Variants in PAX3 observed in about 807,000 individuals in gnomAD.
The protein encoded by PAX3 is paired box 3.
Under a neutral mutation model 51.6 loss-of-function variants are expected in PAX3, and 14 were observed. The observed-to-expected ratio is 0.27, with a 90% CI of 0.18 to 0.42. The LOEUF (loss-of-function observed/expected upper bound fraction) is 0.42. PAX3 is among the 10% of genes least tolerant of loss of function. The pLI is 1.00. For missense variants in PAX3, 540 were observed against 642.8 expected (o/e 0.84, Z 1.73); for synonymous variants, 280 against 253.4 (o/e 1.11, Z -1.00).
chr2:222,231,900 G>C (rs894058994), intron 5 of PAX3, among the ~76,000 whole-genome samples, 178 bp downstream of exon 5: 1 of 152,184 alleles, frequency 6.6e-6, no homozygotes, highest in Non-Finnish European at 1.5e-5. Flanking sequence ...TCTGTGTGTC[G>C]TAAATGATAT....
rs1559248464 is a variant in PAX3 at position 222,201,219 on chromosome 2, G to C, written c.*189C>G. ...CTTCTCCACTGCTTTTGTCGAACGT[G>C]TTCAAAAGGATTTGAAACCAACTAT... On this transcript the variant is annotated 3_prime_UTR_variant, in exon 9 of 9. Transcript: ENST00000392070. 1 of 1,613,944 alleles carries C rather than the reference G, an allele frequency of 6.2e-7. No individual in the cohort carries two copies. The highest frequency in any genetic ancestry group is 8.5e-7 in the Non-Finnish European group (1 of 1,179,962).
chr2:222,207,761 T>C (rs1691567795), intron 7 of PAX3, among the ~76,000 whole-genome samples: 1 of 152,102 alleles, frequency 6.6e-6, no homozygotes, highest in African/African-American at 2.4e-5. Flanking sequence ...CTTTACGGAC[T>C]GATGACTAAA....
intron 7 of PAX3, among the ~76,000 whole-genome samples, chr2:222,210,365 A>G (rs1691678448): frequency 6.6e-6 from 1 of 152,312 alleles, no homozygotes; most frequent in South Asian, 2.1e-4. Flanking sequence ...GTGAGAGAGA[A>G]GCATCACTGC....
At chr2:222,268,529 G>C (rs533595120) in intron 4 of PAX3, among the ~76,000 whole-genome samples, 11 of 152,158 alleles carry the variant, frequency 7.2e-5, no homozygotes, top group Middle Eastern at 6.8e-3. Flanking sequence ...AGGGCTTTCC[G>C]GTTGCCTCTC....
intron 7 of PAX3, among the ~76,000 whole-genome samples, chr2:222,202,848 C>T (rs1691353543): frequency 6.6e-6 from 1 of 151,320 alleles, no homozygotes; most frequent in Non-Finnish European, 1.5e-5. Flanking sequence ...CCTGCTTTGA[C>T]TGGTGAGAGC....
intron 4 of PAX3, among the ~76,000 whole-genome samples, chr2:222,270,430 C>T (rs954781763): frequency 1.3e-5 from 2 of 152,092 alleles, no homozygotes; most frequent in Non-Finnish European, 2.9e-5. Context: ...CATCGGTCTC[C>T]AAAAGTGAGT....
At chr2:222,297,686 G>A (rs982313104) in intron 1 of PAX3, among the ~76,000 whole-genome samples, 1 of 152,236 alleles carries the variant, frequency 6.6e-6, no homozygotes, top group African/African-American at 2.4e-5. Context: ...CAAAAGTGCA[G>A]CAGCCAAGGG....
chr2:222,204,095 T>C (rs1003016947), intron 7 of PAX3, among the ~76,000 whole-genome samples: 1 of 152,176 alleles, frequency 6.6e-6, no homozygotes, highest in African/African-American at 2.4e-5. Context: ...AAATTAGTTA[T>C]ATTTTTAAAA....
At chr2:222,212,656 C>T (rs1290004405) in intron 7 of PAX3, among the ~76,000 whole-genome samples, 6 of 149,008 alleles carry the variant, frequency 4.0e-5, no homozygotes, top group Middle Eastern at 3.5e-3. Flanking sequence ...CACACACACA[C>T]GAATAGTATA....
chr2:222,203,735 G>A (rs935486880), intron 7 of PAX3, among the ~76,000 whole-genome samples: 4 of 152,128 alleles, frequency 2.6e-5, no homozygotes, highest in African/African-American at 9.7e-5. Context: ...GGAAGGGTTT[G>A]CATAATCCTT....
chr2:222,279,834 G>T (rs568597670), intron 4 of PAX3, among the ~76,000 whole-genome samples: 68 of 152,162 alleles, frequency 4.5e-4, no homozygotes, highest in Non-Finnish European at 7.2e-4. Context: ...AAAAAAATTG[G>T]CTCTCTGTGT....
intron 7 of PAX3, among the ~76,000 whole-genome samples, chr2:222,203,565 C>T (rs1454749434): frequency 6.6e-6 from 1 of 152,008 alleles, no homozygotes; most frequent in Non-Finnish European, 1.5e-5. Flanking sequence ...ATGCTAACTG[C>T]AGAATAACTC....
At chr2:222,240,740 T>C (rs1475355107) in intron 4 of PAX3, among the ~76,000 whole-genome samples, 1 of 152,202 alleles carries the variant, frequency 6.6e-6, no homozygotes, top group Non-Finnish European at 1.5e-5. Flanking sequence ...ACCCTAACAC[T>C]GACCCAAATT....
At chr2:222,289,250 CGTTT>C (rs777060179) in intron 4 of PAX3, among the ~76,000 whole-genome samples, 6 of 152,184 alleles carry the variant, frequency 3.9e-5, no homozygotes, top group Non-Finnish European at 7.3e-5. Context: ...CATTTCTCAC[CGTTT>C]GTTTGTTGTT....
At chr2:222,203,075 A>G (rs2106036431) in intron 7 of PAX3, among the ~76,000 whole-genome samples, 1 of 136,722 alleles carries the variant, frequency 7.3e-6, no homozygotes, top group Admixed American at 7.6e-5. Context: ...AAAAGGAAAG[A>G]CAAGCCTGAA....
At chr2:222,263,416 A>C (rs1693936549) in intron 4 of PAX3, 1 of 152,210 alleles carries the variant, frequency 6.6e-6, no homozygotes, top group Non-Finnish European at 1.5e-5. Context: ...ACATTTAATT[A>C]AAATTAAATG....
intron 5 of PAX3, among the ~76,000 whole-genome samples, chr2:222,227,444 T>C (rs991623453): frequency 6.6e-6 from 1 of 151,892 alleles, no homozygotes; most frequent in African/African-American, 2.4e-5. Flanking sequence ...ATACAAAAAT[T>C]AGCTGGGTGT....
At chr2:222,243,953 AC>A (rs1364325454) in intron 4 of PAX3, among the ~76,000 whole-genome samples, 1 of 152,204 alleles carries the variant, frequency 6.6e-6, no homozygotes, top group Non-Finnish European at 1.5e-5. Flanking sequence ...TGCTTGGGAT[AC>A]CTACTGTGCA....
At chr2:222,293,764 G>C (rs1221179636) in intron 4 of PAX3, 1 of 1,613,942 alleles carries the variant, frequency 6.2e-7, no homozygotes, top group East Asian at 2.2e-5. Flanking sequence ...TTTCCTGAGG[G>C]CATAAAAGCT....
Sources: gnomAD v4.1 joint callset for allele counts (sites outside exome capture counted in the v4.1 genomes callset) on GRCh38, gnomAD v4.1.1 for gene constraint, MANE v1.5 for transcripts, NCBI Gene and HGNC (gene_info 2026-07-23, HGNC 2026-07-21) for gene names.